Variants in CTNNA2 observed in about 807,000 individuals in gnomAD.
CTNNA2 encodes the protein catenin alpha-2.
A neutral mutation model predicts 101.0 loss-of-function variants in CTNNA2; 42 were observed. That is an observed-to-expected ratio of 0.42 (90% CI 0.32 to 0.54). The LOEUF is 0.54. Ranked by LOEUF, CTNNA2 falls within the 20% of genes least tolerant of loss-of-function variation. The probability of loss-of-function intolerance (pLI) is 0.14; values close to 1 mark genes in which losing one functional copy is unlikely to be tolerated. For synonymous variants in CTNNA2, 450 were observed against 456.4 expected, an observed-to-expected ratio of 0.99 and a Z score of 0.18; for missense variants, 871 against 1,223.1, an observed-to-expected ratio of 0.71 and a Z score of 4.29.
At chr2:79,383,733 C>A (rs375352122) in intron 4 of CTNNA2, among the ~76,000 whole-genome samples, 280 of 152,246 alleles carry the variant, frequency 1.8e-3, no homozygotes, top group African/African-American at 6.2e-3. Flanking sequence ...TCCAATTTGA[C>A]CTTGGGAACT....
At chr2:80,576,787 G>GCAAAA (rs1695090412) in intron 13 of CTNNA2, among the ~76,000 whole-genome samples, 1 of 123,124 alleles carries the variant, frequency 8.1e-6, no homozygotes, top group Non-Finnish European at 1.6e-5. Flanking sequence ...TGTCTCTACT[G>GCAAAA]AAAAAAAAAA....
In CTNNA2 at chr2:80,358,563, C is replaced by A. The variant is rs1236192003; in HGVS notation, c.1057-34648C>A. Among the ~76,000 whole-genome samples, 4 of 152,018 alleles carry A rather than the reference C, an allele frequency of 2.6e-5. 1 individual carries two copies. Among genetic ancestry groups the A allele is most frequent in the South Asian group, 4.2e-4 (2 of 4,808 alleles). On this transcript the variant is annotated intron_variant, in intron 7 of 18. Coordinates refer to ENST00000402739, the MANE Select transcript of CTNNA2 (RefSeq NM_001282597.3). ...ATGGGGTTTCACCATGTTGACCAGG[C>A]TGGTTTTGAACTCCTGACCCCTCAG...
At chr2:80,119,037 G>C (rs1701684000) in intron 7 of CTNNA2, among the ~76,000 whole-genome samples, 1 of 152,178 alleles carries the variant, frequency 6.6e-6, no homozygotes. Flanking sequence ...TGTTAGGATG[G>C]AAGCAATCAA....
intron 7 of CTNNA2, among the ~76,000 whole-genome samples, chr2:79,963,118 ACATATTGC>A (rs1051812023): frequency 3.8e-4 from 57 of 151,534 alleles, no homozygotes; most frequent in African/African-American, 1.3e-3. Flanking sequence ...ATTGTGTCTC[ACATATTGC>A]CATATTGCCT....
At chr2:79,251,218 C>T (rs955165276) in intron 2 of CTNNA2, among the ~76,000 whole-genome samples, 7 of 152,126 alleles carry the variant, frequency 4.6e-5, no homozygotes, top group South Asian at 2.1e-4. Context: ...ATTGTACCTG[C>T]GCTTCCGAAG....
intron 3 of CTNNA2, among the ~76,000 whole-genome samples, chr2:79,802,088 C>T (rs1676213190): frequency 6.6e-6 from 1 of 151,814 alleles, no homozygotes; most frequent in South Asian, 2.1e-4. Flanking sequence ...TCTGACTCCT[C>T]TTCCCAGGAT....
At chr2:80,593,723 T>C (rs1696710461) in intron 15 of CTNNA2, among the ~76,000 whole-genome samples, 1 of 152,298 alleles carries the variant, frequency 6.6e-6, no homozygotes, top group Non-Finnish European at 1.5e-5. Flanking sequence ...AGTCACACAA[T>C]ATTTGTCCTT....
intron 9 of CTNNA2, among the ~76,000 whole-genome samples, chr2:80,500,476 C>T (rs1474065075): frequency 6.6e-6 from 1 of 152,108 alleles, no homozygotes. Flanking sequence ...CAGTTGAGTG[C>T]CTGTCATTTG....
intron 4 of CTNNA2, among the ~76,000 whole-genome samples, chr2:79,374,926 T>C (rs2122862): frequency 0.8 from 121,105 of 151,632 alleles, 48,615 homozygotes; most frequent in African/African-American, 0.87. Flanking sequence ...CAATTTACAA[T>C]CTAATAAAAA....
intron 4 of CTNNA2, among the ~76,000 whole-genome samples, chr2:79,411,958 A>T (rs1355846210): frequency 6.6e-6 from 1 of 152,132 alleles, no homozygotes. Flanking sequence ...GGCAAATTGG[A>T]TAAAGAGTCA....
intron 7 of CTNNA2, among the ~76,000 whole-genome samples, chr2:80,105,593 A>G (rs1700832729): frequency 1.3e-5 from 2 of 152,046 alleles, no homozygotes; most frequent in African/African-American, 4.8e-5. Flanking sequence ...AAAAATAGCC[A>G]GGCATGGTTG....
chr2:79,351,671 T>C (rs1282455822), intron 3 of CTNNA2, among the ~76,000 whole-genome samples: 1 of 152,154 alleles, frequency 6.6e-6, no homozygotes, highest in Non-Finnish European at 1.5e-5. Flanking sequence ...CTCCTATTCT[T>C]GAGAACAGGT....
intron 7 of CTNNA2, among the ~76,000 whole-genome samples, chr2:80,038,952 G>A (rs1348156981): frequency 6.6e-6 from 1 of 152,170 alleles, no homozygotes; most frequent in East Asian, 1.9e-4. Flanking sequence ...ATGGCCTCAG[G>A]GCTGGGAGGA....
At chr2:80,607,946 C>A (rs1268472621) in intron 16 of CTNNA2, among the ~76,000 whole-genome samples, 3 of 151,910 alleles carry the variant, frequency 2.0e-5, no homozygotes, top group African/African-American at 7.2e-5. Flanking sequence ...ATAGAAGTCC[C>A]AATAAAACTT....
At chr2:80,106,411 C>G (rs910963123) in intron 7 of CTNNA2, among the ~76,000 whole-genome samples, 26 of 152,086 alleles carry the variant, frequency 1.7e-4, no homozygotes, top group African/African-American at 4.8e-4. Flanking sequence ...TCTCCAAAAC[C>G]CAGCAACCCT....
At chr2:79,569,490 T>A (rs1462512173) in intron 1 of CTNNA2, among the ~76,000 whole-genome samples, 1 of 152,184 alleles carries the variant, frequency 6.6e-6, no homozygotes, top group Non-Finnish European at 1.5e-5. Flanking sequence ...TGAGAAGCAC[T>A]GAAGGATATA....
chr2:80,080,585 G>A (rs891678355), intron 7 of CTNNA2, among the ~76,000 whole-genome samples: 4 of 152,192 alleles, frequency 2.6e-5, no homozygotes, highest in African/African-American at 9.6e-5. Context: ...AATCCAGAAA[G>A]TATGATCCAT....
At chr2:80,576,600 G>A (rs1695070002) in intron 13 of CTNNA2, among the ~76,000 whole-genome samples, 2 of 151,798 alleles carry the variant, frequency 1.3e-5, no homozygotes, top group African/African-American at 4.8e-5. Flanking sequence ...TACAGGGTTA[G>A]GTTACTGTGA....
intron 3 of CTNNA2, among the ~76,000 whole-genome samples, chr2:79,814,608 T>TATAC (rs1553472822): frequency 3.4e-5 from 5 of 145,094 alleles, no homozygotes; most frequent in East Asian, 2.1e-4. Context: ...TATGTGTGTA[T>TATAC]ACACACACAC....
Sources: allele counts gnomAD v4.1 joint callset (sites outside exome capture counted in the v4.1 genomes callset), GRCh38; gene constraint gnomAD v4.1.1; transcripts MANE v1.5; gene names NCBI Gene and HGNC (gene_info 2026-07-23, HGNC 2026-07-21).